Variants in SARDH observed in about 807,000 individuals in gnomAD.
SARDH encodes the protein sarcosine dehydrogenase, mitochondrial.
SARDH carries 95 observed loss-of-function variants against 109.1 expected under a neutral mutation model. That is an observed-to-expected ratio of 0.87 (90% confidence interval 0.74 to 1.03). SARDH has a LOEUF of 1.03. Among genes scored for constraint, SARDH ranks in the 50% least tolerant of loss-of-function variants. The pLI, the probability that SARDH is intolerant of heterozygous loss-of-function variation, is 0.00. For missense variants in SARDH, 1,267 were observed against 1,287.8 expected, an observed-to-expected ratio of 0.98 and a Z score of 0.25; for synonymous variants, 572 against 534.8, an observed-to-expected ratio of 1.07 and a Z score of -0.96.
chr9:133,727,457 G>A (rs1404083886), intron 6 of SARDH, among the ~76,000 whole-genome samples: 2 of 152,224 alleles, frequency 1.3e-5, no homozygotes, highest in Non-Finnish European at 2.9e-5. Flanking sequence ...GGTGCCATGC[G>A]CCCAGGAGAG....
chr9:133,708,299 G>A lies in SARDH; in HGVS notation c.1458C>T (p.Asp486=), dbSNP rs114841400. 4.5e-4 allele frequency: 725 copies of A among 1,612,800 alleles called. 3 individuals are homozygous for A. The African/African-American group carries it at 8.7e-3, about 19-fold the overall frequency. Residue 486 remains aspartate (D), a synonymous_variant, in exon 11 of 21, where the codon GAC becomes GAT. Transcript: ENST00000439388. The part of the protein sequence containing the change: ...EPLAGRNMRR[D]PLHEELLGQG... ...GTAGGGGCGTTACCTCGTGCAGCGG[G>A]TCTCTCCTCATGTTGCGCCCGGCCA...
downstream of SARDH, among the ~76,000 whole-genome samples, chr9:133,660,471 G>A (rs1029361336): frequency 3.9e-5 from 6 of 152,188 alleles, 2 homozygotes; most frequent in Admixed American, 1.3e-4. Context: ...CTTATTTAGA[G>A]GCTTAGGGGA....
At chr9:133,697,662 G>A (rs932871407) in intron 13 of SARDH, among the ~76,000 whole-genome samples, 3 of 151,938 alleles carry the variant, frequency 2.0e-5, no homozygotes, top group African/African-American at 7.3e-5. Flanking sequence ...GAGAACAAAG[G>A]ACAAAAACCA....
At chr9:133,664,495 C>T (rs961046141) in intron 20 of SARDH, among the ~76,000 whole-genome samples, 3 of 152,128 alleles carry the variant, frequency 2.0e-5, no homozygotes, top group Non-Finnish European at 2.9e-5. Context: ...AGCAAGCGCT[C>T]GGGAGCCAGT....
chr9:133,673,190 G>C (rs752876368), intron 17 of SARDH, among the ~76,000 whole-genome samples: 3 of 152,232 alleles, frequency 2.0e-5, no homozygotes, highest in African/African-American at 7.2e-5. Context: ...CAGACAGCAT[G>C]GGGGGCTTCT....
At chr9:133,720,663 T>C (rs762627227) in intron 6 of SARDH, among the ~76,000 whole-genome samples, 40 of 152,134 alleles carry the variant, frequency 2.6e-4, no homozygotes, top group Non-Finnish European at 5.1e-4. Flanking sequence ...AGAGAGCATG[T>C]GCAGGGGAAC....
Position 133,717,325 on chromosome 9 carries a change from C to G in SARDH, c.1150+1G>C. 2.5e-6 allele frequency: 4 copies of G among 1,614,028 alleles called. No individual in the cohort carries two copies. The highest frequency in any genetic ancestry group is 3.4e-6 in the Non-Finnish European group (4 of 1,179,934). ...ACCCCAGCTCCGAGGCTGTCACTCACCAGGGCCGCAGACCGTGGACTTGAT... is the reference window on the plus strand; with the variant it reads ...ACCCCAGCTCCGAGGCTGTCACTCAGCAGGGCCGCAGACCGTGGACTTGAT... On this transcript the variant is annotated splice_donor_variant, in intron 8 of 20. Coordinates refer to ENST00000439388, the MANE Select transcript of SARDH (RefSeq NM_001134707.2). LOFTEE classifies it high-confidence loss of function.
intron 13 of SARDH, among the ~76,000 whole-genome samples, chr9:133,702,604 C>T (rs1831528914): frequency 6.6e-6 from 1 of 152,214 alleles, no homozygotes; most frequent in South Asian, 2.1e-4. Context: ...GAGCGGGAGG[C>T]GGAGGCTCAG....
Position 133,703,049 on chromosome 9 carries a change from T to G in SARDH, c.1555-20A>C. On this transcript the variant is annotated intron_variant, in intron 12 of 20. Transcript: ENST00000439388. Reference sequence around the variant, plus strand: ...GAGGACCTGGGAAGAAAAGACGTGGTCCTCAGCCTGCCTCTTTGGCCCCTC... The same window carrying G: ...GAGGACCTGGGAAGAAAAGACGTGGGCCTCAGCCTGCCTCTTTGGCCCCTC... 1 of 1,600,868 alleles carries G rather than the reference T, an allele frequency of 6.2e-7. No individual in the cohort carries two copies. The highest frequency in any genetic ancestry group is 1.7e-5 in the Admixed American group (1 of 58,734).
At chr9:133,738,731 G>A (rs1832966949), upstream of SARDH, among the ~76,000 whole-genome samples, 1 of 152,234 alleles carries the variant, frequency 6.6e-6, no homozygotes, top group South Asian at 2.1e-4. Context: ...CCAGGGGCCC[G>A]TCCACTGCAG....
intron 1 of SARDH, among the ~76,000 whole-genome samples, chr9:133,736,325 T>C (rs1377036291): frequency 1.3e-5 from 2 of 152,256 alleles, no homozygotes; most frequent in Admixed American, 6.5e-5. Flanking sequence ...TTGCAATAAA[T>C]TGCTCTATGT....
chr9:133,707,959 A>C (rs1831756578), intron 11 of SARDH, among the ~76,000 whole-genome samples: 1 of 152,180 alleles, frequency 6.6e-6, no homozygotes, highest in African/African-American at 2.4e-5. Context: ...ACACCCACCA[A>C]GACCCCGCCC....
chr9:133,687,039 C>T (rs58801954), intron 16 of SARDH, among the ~76,000 whole-genome samples: 2,264 of 152,282 alleles, frequency 0.015, 52 homozygotes, highest in African/African-American at 0.051. Flanking sequence ...AAGCCCAGTT[C>T]CAGGGGTCCA....
chr9:133,668,207 C>G (rs1299911404), intron 19 of SARDH, among the ~76,000 whole-genome samples: 2 of 151,678 alleles, frequency 1.3e-5, no homozygotes, highest in Non-Finnish European at 2.9e-5. Flanking sequence ...GGCTGTCACA[C>G]AAGAGACAGA....
chr9:133,674,426 C>T (rs1830449816), intron 17 of SARDH, among the ~76,000 whole-genome samples: 1 of 152,254 alleles, frequency 6.6e-6, no homozygotes, highest in Admixed American at 6.5e-5. Context: ...GATGGAACTC[C>T]TGGCCGTGGA....
At chr9:133,660,731 G>T (rs951813180), downstream of SARDH, among the ~76,000 whole-genome samples, 2 of 152,172 alleles carry the variant, frequency 1.3e-5, no homozygotes, top group African/African-American at 4.8e-5. Flanking sequence ...TCTGTGAGGT[G>T]CTCAGAGCCC....
chr9:133,696,482 TC>T, intron 13 of SARDH, 121 bp from the exon 14 acceptor site: 1 of 1,257,740 alleles, frequency 8.0e-7, no homozygotes, highest in Non-Finnish European at 1.1e-6. Flanking sequence ...CTCCCTCTCT[TC>T]CAGCCCGCAC....
At chr9:133,722,304 A>ATT (rs141882758) in intron 6 of SARDH, among the ~76,000 whole-genome samples, 2 of 44,584 alleles carry the variant, frequency 4.5e-5, no homozygotes, top group African/African-American at 5.5e-5. Flanking sequence ...ATCTTTAATG[A>ATT]TTTTTTTTTT....
At chr9:133,663,205 ACTT>A (rs1829941847), downstream of SARDH, among the ~76,000 whole-genome samples, 1 of 152,186 alleles carries the variant, frequency 6.6e-6, no homozygotes. Context: ...AGGAGCTGGC[ACTT>A]CTGTGTGGGT....
Sources: allele counts gnomAD v4.1 joint callset (sites outside exome capture counted in the v4.1 genomes callset), GRCh38; gene constraint gnomAD v4.1.1; transcripts MANE v1.5; gene names NCBI Gene and HGNC (gene_info 2026-07-23, HGNC 2026-07-21).